ZC3H12B: variants seen among roughly 807,000 people sequenced by gnomAD.
ZC3H12B encodes the protein zinc finger CCCH-type containing 12B.
A neutral mutation model predicts 43.9 loss-of-function variants in ZC3H12B; 7 were observed. The observed-to-expected ratio is 0.16, with a 90% confidence interval of 0.09 to 0.30. The LOEUF (loss-of-function observed/expected upper bound fraction) is 0.30, where lower values mean the gene tolerates loss of function less well. ZC3H12B is among the 10% of genes least tolerant of loss of function. ZC3H12B has a pLI of 1.00. For missense variants in ZC3H12B, 475 were observed against 670.2 expected (o/e 0.71, Z 3.22); for synonymous variants, 222 against 241.7 (o/e 0.92, Z 0.76).
the ZC3H12B span, among the ~76,000 whole-genome samples, chrX:65,194,052 C>A: frequency 2.1e-3 from 228 of 109,161 alleles, no homozygotes; most frequent in Middle Eastern, 9.4e-3. Context: ...CCAGATATCA[C>A]GAGAGCAGTG....
At chrX:65,363,125 G>A (rs1016268050), upstream of ZC3H12B, among the ~76,000 whole-genome samples, 8 of 111,048 alleles carry the variant, frequency 7.2e-5, 1 homozygote, top group African/African-American at 2.0e-4. Flanking sequence ...GCTCTTTCTC[G>A]TGATTTACTT....
chrX:65,092,915 C>T, the ZC3H12B span, among the ~76,000 whole-genome samples: 1 of 111,614 alleles, frequency 9.0e-6, no homozygotes, highest in Non-Finnish European at 1.9e-5. Context: ...GGGAAAAAGG[C>T]CTCCAAGGCT....
chrX:65,077,457 C>G, the ZC3H12B span, among the ~76,000 whole-genome samples: 1 of 112,247 alleles, frequency 8.9e-6, no homozygotes, highest in Non-Finnish European at 1.9e-5. Flanking sequence ...ACTGCTACTC[C>G]TGTGAGCTGT....
At chrX:65,429,677 G>A (rs1309582936) in intron 3 of ZC3H12B, among the ~76,000 whole-genome samples, 1 of 111,820 alleles carries the variant, frequency 8.9e-6, no homozygotes, top group Non-Finnish European at 1.9e-5. Flanking sequence ...CGTCTCTTTG[G>A]GGTCTCTGTC....
chrX:65,407,074 A>C (rs1419433982), intron 3 of ZC3H12B, among the ~76,000 whole-genome samples: 1 of 112,772 alleles, frequency 8.9e-6, no homozygotes, highest in Non-Finnish European at 1.9e-5. Context: ...GAAGGAAGGA[A>C]AGAAAGAAGA....
chrX:65,353,048 G>A, the ZC3H12B span, among the ~76,000 whole-genome samples: 1 of 110,025 alleles, frequency 9.1e-6, no homozygotes, highest in Admixed American at 9.7e-5. Context: ...GTGCGTATGG[G>A]ATTTCACCAT....
At chrX:65,492,900 G>C (rs896636621) in intron 1 of ZC3H12B, among the ~76,000 whole-genome samples, 2 of 111,146 alleles carry the variant, frequency 1.8e-5, no homozygotes, top group Non-Finnish European at 3.8e-5. Context: ...CCAGGAGTTC[G>C]AGACCAGCCT....
the ZC3H12B span, among the ~76,000 whole-genome samples, chrX:65,107,553 G>A: frequency 9.0e-6 from 1 of 110,897 alleles, no homozygotes; most frequent in East Asian, 2.9e-4. Context: ...GTTTAGCTCT[G>A]TGTCCCCACC....
chrX:65,153,276 T>C, the ZC3H12B span, among the ~76,000 whole-genome samples: 4 of 111,960 alleles, frequency 3.6e-5, no homozygotes, highest in South Asian at 1.5e-3. Flanking sequence ...CAAAAGAAAC[T>C]ATCATCAGAG....
At chrX:65,180,036 G>A in the ZC3H12B span, among the ~76,000 whole-genome samples, 3 of 111,393 alleles carry the variant, frequency 2.7e-5, no homozygotes, top group Non-Finnish European at 5.7e-5. Flanking sequence ...CCAAAACCTG[G>A]CAGAGACACA....
At chrX:65,297,218 G>T in the ZC3H12B span, among the ~76,000 whole-genome samples, 1 of 110,430 alleles carries the variant, frequency 9.1e-6, no homozygotes, top group Non-Finnish European at 1.9e-5. Context: ...GTCACTTTTC[G>T]CCAATAATAT....
At chrX:65,155,263 C>G in the ZC3H12B span, among the ~76,000 whole-genome samples, 1 of 104,445 alleles carries the variant, frequency 9.6e-6, no homozygotes, top group African/African-American at 3.5e-5. Flanking sequence ...TGGCCTGCTA[C>G]TTTTTTTTTT....
At chrX:65,064,690 A>G in the ZC3H12B span, among the ~76,000 whole-genome samples, 2 of 111,400 alleles carry the variant, frequency 1.8e-5, no homozygotes, top group Non-Finnish European at 3.8e-5. Context: ...CAAGTCCGAA[A>G]TCTCCTTGTT....
the ZC3H12B span, among the ~76,000 whole-genome samples, chrX:65,221,601 T>G: frequency 9.0e-6 from 1 of 111,005 alleles, no homozygotes; most frequent in African/African-American, 3.3e-5. Context: ...AGGAAATGGA[T>G]AAATTTGTGG....
At chrX:65,074,055 T>C in the ZC3H12B span, among the ~76,000 whole-genome samples, 1 of 112,096 alleles carries the variant, frequency 8.9e-6, no homozygotes, top group Non-Finnish European at 1.9e-5. Flanking sequence ...GTTTTGTCTA[T>C]ATGTTTACTT....
At chrX:65,059,635 A>C in the ZC3H12B span, among the ~76,000 whole-genome samples, 1 of 111,229 alleles carries the variant, frequency 9.0e-6, no homozygotes, top group African/African-American at 3.3e-5. Flanking sequence ...CTGTAGTATT[A>C]TATAATTTGA....
At chrX:65,103,115 C>T in the ZC3H12B span, among the ~76,000 whole-genome samples, 4 of 111,213 alleles carry the variant, frequency 3.6e-5, no homozygotes, top group Non-Finnish European at 5.7e-5. Flanking sequence ...GGAATTTCCT[C>T]GTCCTAATAG....
the ZC3H12B span, among the ~76,000 whole-genome samples, chrX:65,179,902 C>T: frequency 8.9e-6 from 1 of 111,761 alleles, no homozygotes; most frequent in African/African-American, 3.2e-5. Context: ...CAGATAACTT[C>T]ACAGGTGTAT....
At chrX:65,501,641 C>T (rs980627906) in intron 4 of ZC3H12B, 148 bp from the exon 10 acceptor site, 1 of 534,049 alleles carries the variant, frequency 1.9e-6, no homozygotes, top group Non-Finnish European at 2.9e-6. Context: ...TTGGTGTTGT[C>T]TGTCTCTCAT....
Sources: gnomAD v4.1 joint callset for allele counts (sites outside exome capture counted in the v4.1 genomes callset) on GRCh38, gnomAD v4.1.1 for gene constraint, MANE v1.5 for transcripts, NCBI Gene and HGNC (gene_info 2026-07-23, HGNC 2026-07-21) for gene names.